KCNIP1: variants seen among roughly 807,000 people sequenced by gnomAD.
KCNIP1 encodes A-type potassium channel modulatory protein KCNIP1.
Under a neutral mutation model 33.0 loss-of-function variants are expected in KCNIP1, and 18 were observed. The ratio of observed to expected loss-of-function variants is 0.55; its 90% CI spans 0.38 to 0.81. The LOEUF is 0.81. Among genes scored for constraint, KCNIP1 ranks in the 30% least tolerant of loss-of-function variants. The pLI is 0.00. For synonymous variants in KCNIP1, 93 were observed against 98.3 expected (o/e 0.95, Z 0.32); for missense variants, 238 against 271.6 (o/e 0.88, Z 0.87).
At chr5:170,647,582 A>G (rs573942924) in intron 1 of KCNIP1, among the ~76,000 whole-genome samples, 1 of 152,232 alleles carries the variant, frequency 6.6e-6, no homozygotes, top group South Asian at 2.1e-4. Context: ...TTAAAAAAAA[A>G]AAAGAGTCCA....
At chr5:170,536,995 C>T (rs1756012225) in intron 1 of KCNIP1, among the ~76,000 whole-genome samples, 1 of 152,144 alleles carries the variant, frequency 6.6e-6, no homozygotes, top group Non-Finnish European at 1.5e-5. Flanking sequence ...ACAATCTCAC[C>T]AGAATGTGGC....
intron 1 of KCNIP1, among the ~76,000 whole-genome samples, chr5:170,379,964 A>G (rs539036854): frequency 6.6e-6 from 1 of 152,242 alleles, no homozygotes; most frequent in South Asian, 2.1e-4. Context: ...AAAAAAAAAA[A>G]AAGTAAAATA....
chr5:170,409,922 G>T (rs531050851), intron 1 of KCNIP1, among the ~76,000 whole-genome samples: 1 of 152,214 alleles, frequency 6.6e-6, no homozygotes, highest in Non-Finnish European at 1.5e-5. Flanking sequence ...CTAAAGTCTG[G>T]TAAATACTCA....
rs772610983 is a variant in KCNIP1 at position 170,732,879 on chromosome 5, G to T, written c.515G>T (p.Arg172Met). ...CCTGTGCTCAAAGAGGACACTCCAA[G>T]GCAGCATGTGGACGTCTTCTTCCAG... is the stretch of plus-strand genomic sequence containing the variant. Reference protein sequence around the residue: ...TYPVLKEDTPRQHVDVFFQKM... With the variant: ...TYPVLKEDTPMQHVDVFFQKM... Residue 172 changes from arginine (R) to methionine (M), a missense_variant, in exon 6 of 8, where the codon AGG becomes ATG. Physicochemically the swap from Arg to Met is moderately conservative, Grantham distance 91. Transcript: ENST00000328939. 1 of 1,612,788 alleles carries T rather than the reference G, an allele frequency of 6.2e-7. No individual in the cohort carries two copies. The highest frequency in any genetic ancestry group is 8.5e-7 in the Non-Finnish European group (1 of 1,178,916).
intron 1 of KCNIP1, chr5:170,639,009 A>C (rs953936747): frequency 1.4e-4 from 21 of 152,314 alleles, no homozygotes; most frequent in African/African-American, 4.8e-4. Flanking sequence ...GAGGGCGAGC[A>C]AGGGTCCTCC....
chr5:170,613,618 G>A (rs1195437479), intron 1 of KCNIP1, among the ~76,000 whole-genome samples: 1 of 152,134 alleles, frequency 6.6e-6, no homozygotes. Flanking sequence ...AGAAGAGAAG[G>A]GAAGAAAAGG....
intron 1 of KCNIP1, among the ~76,000 whole-genome samples, chr5:170,564,842 A>G (rs907776132): frequency 6.6e-6 from 1 of 152,106 alleles, no homozygotes; most frequent in Non-Finnish European, 1.5e-5. Context: ...GGTTTCATCC[A>G]TTCATTCAAC....
At chr5:170,436,205 A>G (rs1755858874) in intron 1 of KCNIP1, among the ~76,000 whole-genome samples, 1 of 152,192 alleles carries the variant, frequency 6.6e-6, no homozygotes, top group Non-Finnish European at 1.5e-5. Flanking sequence ...AAAACAATTA[A>G]TGAAGGCCCA....
rs553228666 is a variant in KCNIP1, at chr5:170,483,353, G to A, written c.88+129389G>A. Among the ~76,000 whole-genome samples, 5 of 152,350 alleles carry A rather than the reference G, an allele frequency of 3.3e-5. No individual in the cohort carries two copies. The South Asian group carries it at 1.0e-3, about 32-fold the overall frequency. On this transcript the variant is annotated intron_variant, in intron 1 of 7. Transcript: ENST00000377360. ...GTGACCATCACTGGGATATTGCACA[G>A]ATCTGCAGTCACCTTCTAAATCCCC...
chr5:170,729,859 A>G (rs1414878231), intron 5 of KCNIP1, among the ~76,000 whole-genome samples: 2 of 152,028 alleles, frequency 1.3e-5, no homozygotes, highest in Non-Finnish European at 1.5e-5. Context: ...TCCTTATAAA[A>G]CCACACCTTG....
intron 1 of KCNIP1, among the ~76,000 whole-genome samples, chr5:170,587,947 A>T (rs1758060968): frequency 6.6e-6 from 1 of 152,206 alleles, no homozygotes; most frequent in Non-Finnish European, 1.5e-5. Context: ...GGCACAGTAG[A>T]GGCCATGGAT....
At chr5:170,455,887 G>A (rs967325615) in intron 1 of KCNIP1, among the ~76,000 whole-genome samples, 1 of 152,206 alleles carries the variant, frequency 6.6e-6, no homozygotes, top group Non-Finnish European at 1.5e-5. Flanking sequence ...CAACCACTGT[G>A]GAAGACAATA....
intron 1 of KCNIP1, among the ~76,000 whole-genome samples, chr5:170,531,055 G>C (rs1288525518): frequency 6.6e-6 from 1 of 152,150 alleles, no homozygotes; most frequent in Non-Finnish European, 1.5e-5. Flanking sequence ...AACTAGAATA[G>C]ATTCTGTAGT....
rs553002599 is a variant in KCNIP1, at chr5:170,441,616, C to A, written c.88+87652C>A. ...CCCACTGCAGATTTTCCTTGAGGGC[C>A]GTATATCCAGAACCATCCCAGGGCT... On this transcript the variant is annotated intron_variant, in intron 1 of 7. Transcript: ENST00000377360. Among the ~76,000 whole-genome samples the A allele has an allele frequency of 5.3e-5, 8 of 152,096 alleles. No homozygotes were observed. The South Asian group carries it at 1.7e-3, about 32-fold the overall frequency.
In KCNIP1 at chr5:170,484,945, T is replaced by TC. The variant is rs1757054632; in HGVS notation, c.88+130981_88+130982insC. 2.0e-5 allele frequency among the ~76,000 whole-genome samples: 3 copies of TC among 147,548 alleles called. No homozygotes were observed. In the South Asian group the frequency reaches 6.4e-4, roughly 32 times the overall value. On this transcript the variant is annotated intron_variant, in intron 1 of 7. Coordinates refer to the KCNIP1 transcript ENST00000377360. ...TTTTTTTTGTTTTTTCTTTTTTCTTTTTTTTTTTTTTTGAGATGGAGTTTC... is the reference window on the plus strand; with the variant it reads ...TTTTTTTTGTTTTTTCTTTTTTCTTTCTTTTTTTTTTTTGAGATGGAGTTTC...
At chr5:170,557,197 C>T (rs1014280887) in intron 1 of KCNIP1, among the ~76,000 whole-genome samples, 2 of 152,204 alleles carry the variant, frequency 1.3e-5, no homozygotes, top group South Asian at 4.1e-4. Context: ...TACAGGCATG[C>T]ATCTTATGGA....
intron 1 of KCNIP1, among the ~76,000 whole-genome samples, chr5:170,559,359 C>G (rs951613406): frequency 6.6e-6 from 1 of 152,194 alleles, no homozygotes; most frequent in Admixed American, 6.5e-5. Flanking sequence ...ATGTATTATT[C>G]ATTTTTGGCT....
intron 1 of KCNIP1, among the ~76,000 whole-genome samples, chr5:170,531,101 C>T (rs1755772100): frequency 6.6e-6 from 1 of 152,158 alleles, no homozygotes; most frequent in Non-Finnish European, 1.5e-5. Flanking sequence ...CCCCCTGAAG[C>T]TTGTGGGTTT....
In KCNIP1 at chr5:170,677,166, A is replaced by G. The variant is rs912869450; in HGVS notation, c.62-41592A>G. The stretch of plus-strand genomic sequence containing the variant: ...TCTTTCTATGCATAATTACTAATTC[A>G]TCTTAATCTCACAACTCTATGAAGT... On this transcript the variant is annotated intron_variant, in intron 1 of 7. Transcript: ENST00000328939. Among the ~76,000 whole-genome samples the G allele has an allele frequency of 9.2e-5, 14 of 152,336 alleles. No individual in the cohort carries two copies. The East Asian group carries it at 2.7e-3, about 29-fold the overall frequency.
Sources: gnomAD v4.1 joint callset for allele counts (sites outside exome capture counted in the v4.1 genomes callset) on GRCh38, gnomAD v4.1.1 for gene constraint, MANE v1.5 for transcripts, NCBI Gene and HGNC (gene_info 2026-07-23, HGNC 2026-07-21) for gene names.